Variants in FBXO34 observed in about 807,000 individuals in gnomAD.
FBXO34 encodes F-box only protein 34.
A neutral mutation model predicts 24.5 loss-of-function variants in FBXO34; 12 were observed. The ratio of observed to expected loss-of-function variants is 0.49; its 90% CI spans 0.31 to 0.79. The LOEUF (loss-of-function observed/expected upper bound fraction) is 0.79. Ranked by LOEUF, FBXO34 falls within the 30% of genes least tolerant of loss-of-function variation. The pLI, the probability that FBXO34 is intolerant of heterozygous loss-of-function variation, is 0.04. For missense variants in FBXO34, 823 were observed against 857.7 expected (o/e 0.96, Z 0.51); for synonymous variants, 320 against 311.9 (o/e 1.03, Z -0.27).
chr14:55,299,315 G>T (rs1195908734), intron 1 of FBXO34: 3 of 528,464 alleles, frequency 5.7e-6, no homozygotes, highest in South Asian at 1.7e-5. Context: ...CATCGCTCTC[G>T]ACTCTCACTC....
chr14:55,386,912 T>C, the FBXO34 span, among the ~76,000 whole-genome samples: 1 of 152,154 alleles, frequency 6.6e-6, no homozygotes, highest in Non-Finnish European at 1.5e-5. Context: ...ATCAAGTTCA[T>C]TATTTTTCCA....
At chr14:55,437,057 G>C in the FBXO34 span, 2 of 1,557,278 alleles carry the variant, frequency 1.3e-6, no homozygotes, top group Non-Finnish European at 1.8e-6. Context: ...AAACACAACA[G>C]ACAGAACAGC....
chr14:55,365,360 C>T (rs368266635), downstream of FBXO34, among the ~76,000 whole-genome samples: 2 of 152,076 alleles, frequency 1.3e-5, no homozygotes, highest in Admixed American at 1.3e-4. Flanking sequence ...CCACTGTGCC[C>T]CGCCCTAAAA....
intron 1 of FBXO34, among the ~76,000 whole-genome samples, chr14:55,305,492 C>T (rs1042700407): frequency 1.3e-5 from 2 of 150,882 alleles, no homozygotes; most frequent in African/African-American, 4.9e-5. Context: ...GTCAGGAGTT[C>T]GAGACCAGCC....
At chr14:55,343,104 C>T (rs1284225797) in intron 1 of FBXO34, among the ~76,000 whole-genome samples, 1 of 152,126 alleles carries the variant, frequency 6.6e-6, no homozygotes, top group Non-Finnish European at 1.5e-5. Flanking sequence ...AGAAGGCTGT[C>T]ATAAGATGGT....
chr14:55,434,939 A>G, the FBXO34 span, among the ~76,000 whole-genome samples: 1 of 152,208 alleles, frequency 6.6e-6, no homozygotes, highest in Non-Finnish European at 1.5e-5. Context: ...TGTACTCCTA[A>G]GTACAGAGCC....
chr14:55,393,103 T>C, the FBXO34 span, among the ~76,000 whole-genome samples: 9 of 152,280 alleles, frequency 5.9e-5, no homozygotes, highest in South Asian at 2.1e-4. Context: ...AATATATGAC[T>C]GGGCGCGGTG....
intron 1 of FBXO34, among the ~76,000 whole-genome samples, chr14:55,275,650 T>TA (rs772731752): frequency 0.023 from 3,044 of 133,890 alleles, 80 homozygotes; most frequent in African/African-American, 0.074. Context: ...CCATCTCTAC[T>TA]AAAAAAAAAA....
chr14:55,347,088 A>C (rs1884184095), intron 1 of FBXO34, among the ~76,000 whole-genome samples: 1 of 152,206 alleles, frequency 6.6e-6, no homozygotes, highest in Admixed American at 6.5e-5. Context: ...GGCCTTTCTG[A>C]GAATCTGAAG....
the FBXO34 span, chr14:55,391,286 C>T: frequency 7.2e-3 from 1,478 of 204,044 alleles, 22 homozygotes; most frequent in East Asian, 0.062. Flanking sequence ...CCATCCTGGC[C>T]AACATGGTGA....
At chr14:55,312,628 A>AC (rs2139749741) in intron 1 of FBXO34, among the ~76,000 whole-genome samples, 1 of 152,348 alleles carries the variant, frequency 6.6e-6, no homozygotes, top group African/African-American at 2.4e-5. Flanking sequence ...AGGTTCTCAA[A>AC]CCTCAATTCT....
intron 1 of FBXO34, among the ~76,000 whole-genome samples, chr14:55,319,227 G>A (rs1461194790): frequency 6.6e-6 from 1 of 152,086 alleles, no homozygotes; most frequent in Non-Finnish European, 1.5e-5. Flanking sequence ...GACAATGACA[G>A]CTGTATCTAA....
chr14:55,302,387 C>T (rs114107173), intron 1 of FBXO34, among the ~76,000 whole-genome samples: 12 of 151,504 alleles, frequency 7.9e-5, no homozygotes, highest in African/African-American at 2.9e-4. Context: ...TGATGTTAGA[C>T]AGTTAATAGA....
intron 1 of FBXO34, among the ~76,000 whole-genome samples, chr14:55,315,618 G>A (rs1882901511): frequency 6.6e-6 from 1 of 152,148 alleles, no homozygotes; most frequent in Admixed American, 6.6e-5. Flanking sequence ...TCGATTGTAT[G>A]GTTGGGTATA....
At chr14:55,360,829 C>T (rs141014205) in intron 3 of FBXO34, among the ~76,000 whole-genome samples, 2,112 of 152,026 alleles carry the variant, frequency 0.014, 36 homozygotes, top group African/African-American at 0.044. Flanking sequence ...GAAACTCTGT[C>T]TCTACTAAAA....
chr14:55,319,960 C>A (rs149220209), intron 1 of FBXO34, among the ~76,000 whole-genome samples: 3 of 152,146 alleles, frequency 2.0e-5, no homozygotes, highest in African/African-American at 7.2e-5. Flanking sequence ...GCATGAGCCA[C>A]CACACCTGGC....
chr14:55,414,325 C>T, the FBXO34 span: 1 of 1,331,168 alleles, frequency 7.5e-7, no homozygotes, highest in South Asian at 1.3e-5. Flanking sequence ...TGTTTCTGTG[C>T]TGGGCTTATG....
chr14:55,369,496 C>CA (rs2140114427), downstream of FBXO34: 2 of 1,025,590 alleles, frequency 2.0e-6, no homozygotes, highest in East Asian at 5.1e-5. Flanking sequence ...AAAGACAAAA[C>CA]AAAACAACAC....
At chr14:55,434,532 A>T in the FBXO34 span, among the ~76,000 whole-genome samples, 1 of 152,006 alleles carries the variant, frequency 6.6e-6, no homozygotes, top group Non-Finnish European at 1.5e-5. Context: ...GATCCTATAC[A>T]CTCATCCCCA....
Sources: gnomAD v4.1 joint callset for allele counts (sites outside exome capture counted in the v4.1 genomes callset) on GRCh38, gnomAD v4.1.1 for gene constraint, MANE v1.5 for transcripts, NCBI Gene and HGNC (gene_info 2026-07-23, HGNC 2026-07-21) for gene names.